NRG3: variants seen among roughly 807,000 people sequenced by gnomAD.
The protein encoded by NRG3 is neuregulin 3.
A neutral mutation model predicts 66.9 loss-of-function variants in NRG3; 31 were observed. That is an observed-to-expected ratio of 0.46 (90% confidence interval 0.35 to 0.63). NRG3 has a LOEUF of 0.63. Among genes scored for constraint, NRG3 ranks in the 20% least tolerant of loss-of-function variants. The pLI is 0.00. For synonymous variants in NRG3, 393 were observed against 359.4 expected (o/e 1.09, Z -1.06); for missense variants, 910 against 878.9 (o/e 1.04, Z -0.45).
At chr10:82,600,986 T>C (rs1379313679) in intron 2 of NRG3, among the ~76,000 whole-genome samples, 3 of 152,118 alleles carry the variant, frequency 2.0e-5, no homozygotes, top group Admixed American at 1.3e-4. Context: ...GTTGTTCCCA[T>C]CTTTATGTCC....
intron 1 of NRG3, among the ~76,000 whole-genome samples, chr10:82,124,764 A>G (rs1177559480): frequency 6.6e-6 from 1 of 151,972 alleles, no homozygotes; most frequent in Non-Finnish European, 1.5e-5. Context: ...TTTGGATGCC[A>G]AATATATGTT....
In NRG3 at chr10:82,276,501, C is replaced by A. The variant is rs549211609; in HGVS notation, c.824-82238C>A. On this transcript the variant is annotated intron_variant, in intron 1 of 8. Coordinates refer to ENST00000372141, the MANE Select transcript of NRG3 (RefSeq NM_001010848.4). ...TCCAGGAAGATGTAAAGGAACTCAA[C>A]AGACCAGGTTAACCTGATTCTTCTT... Among the ~76,000 whole-genome samples, 59 of 152,138 alleles carry A rather than the reference C, an allele frequency of 3.9e-4. 1 individual carries two copies. In the South Asian group the frequency reaches 0.012, roughly 30 times the overall value.
chr10:82,671,494 T>C (rs777595062), intron 2 of NRG3, among the ~76,000 whole-genome samples: 12 of 152,184 alleles, frequency 7.9e-5, no homozygotes, highest in Non-Finnish European at 1.5e-4. Context: ...TCTGAAGATA[T>C]ATGGAGCAGT....
intron 7 of NRG3, among the ~76,000 whole-genome samples, chr10:82,975,108 T>C (rs1852129526): frequency 1.3e-5 from 2 of 152,250 alleles, no homozygotes; most frequent in South Asian, 4.1e-4. Context: ...TTTTGATTTA[T>C]ATCAATGTTG....
rs565218748 is a variant in NRG3, at chr10:82,828,843, C to A, written c.1028-36568C>A. ...AACATAACCAGCTTCTTCCGCCTTC[C>A]CTTAGATGATAGTCCTGAAGCTGCT... On this transcript the variant is annotated intron_variant, in intron 3 of 8. Transcript: ENST00000372141. 6.0e-3 allele frequency among the ~76,000 whole-genome samples: 919 copies of A among 152,204 alleles called. 3 individuals carry two copies. The highest frequency in any genetic ancestry group is 0.01 in the Non-Finnish European group (688 of 68,006).
intron 1 of NRG3, among the ~76,000 whole-genome samples, chr10:82,163,195 A>G (rs1250616058): frequency 6.6e-6 from 1 of 152,144 alleles, no homozygotes; most frequent in African/African-American, 2.4e-5. Flanking sequence ...CTCTTCTAAT[A>G]TAAGAAATTT....
intron 4 of NRG3, among the ~76,000 whole-genome samples, chr10:82,950,960 T>C (rs1327182881): frequency 6.6e-6 from 1 of 152,152 alleles, no homozygotes; most frequent in Non-Finnish European, 1.5e-5. Context: ...CTTACGTGCC[T>C]ATTGATTTTT....
In NRG3 at chr10:81,956,507, A is replaced by G. The variant is rs181883308; in HGVS notation, c.823+80344A>G. On this transcript the variant is annotated intron_variant, in intron 1 of 8. Transcript: ENST00000372141. ...GCAGCTTTAGTGACTAAAACATTGC[A>G]AGATAATGCATTAGCCATCCTGATT... 2.2e-3 allele frequency among the ~76,000 whole-genome samples: 328 copies of G among 152,304 alleles called. 1 individual carries two copies. Among genetic ancestry groups the G allele is most frequent in the Middle Eastern group, 0.01 (3 of 294 alleles).
intron 2 of NRG3, among the ~76,000 whole-genome samples, chr10:82,503,610 A>G (rs569214930): frequency 6.6e-6 from 1 of 152,300 alleles, no homozygotes; most frequent in Admixed American, 6.5e-5. Flanking sequence ...CCCTCAATCT[A>G]TTTAGAAAGG....
intron 4 of NRG3, among the ~76,000 whole-genome samples, chr10:82,935,639 C>G (rs921736751): frequency 1.3e-5 from 2 of 151,458 alleles, no homozygotes; most frequent in Non-Finnish European, 2.9e-5. Context: ...TTTTTTTAAA[C>G]GGAGTCTCGC....
chr10:82,303,336 A>ACACACAC (rs2080517413), intron 1 of NRG3, among the ~76,000 whole-genome samples: 1 of 149,236 alleles, frequency 6.7e-6, no homozygotes, highest in Non-Finnish European at 1.5e-5. Flanking sequence ...TGCGTGTATA[A>ACACACAC]ACACACACAC....
chr10:82,865,756 C>T (rs1169921507), intron 4 of NRG3, among the ~76,000 whole-genome samples: 1 of 152,092 alleles, frequency 6.6e-6, no homozygotes, highest in Non-Finnish European at 1.5e-5. Flanking sequence ...GTTCTATTTT[C>T]CTGCACATGT....
At chr10:82,715,854 G>A (rs1003273817) in intron 2 of NRG3, among the ~76,000 whole-genome samples, 1 of 152,060 alleles carries the variant, frequency 6.6e-6, no homozygotes, top group African/African-American at 2.4e-5. Flanking sequence ...TGTACCTGTT[G>A]AGGGGCCTCC....
rs532520489 is a variant in NRG3, at chr10:82,638,754, C to A, written c.954-99823C>A. Among the ~76,000 whole-genome samples the A allele has an allele frequency of 2.1e-4, 32 of 152,126 alleles. No homozygotes were observed. The East Asian group carries it at 6.2e-3, about 30-fold the overall frequency. ...TTCCACCTCGCAGGTTCAAGTGATT[C>A]TCCTGCCTTAGCCTCCCAAGTAGCT... is the stretch of plus-strand genomic sequence containing the variant. On this transcript the variant is annotated intron_variant, in intron 2 of 8. Coordinates refer to ENST00000372141, the MANE Select transcript of NRG3 (RefSeq NM_001010848.4).
intron 1 of NRG3, among the ~76,000 whole-genome samples, chr10:82,257,913 C>G (rs376179196): frequency 1.1e-4 from 16 of 152,274 alleles, no homozygotes; most frequent in African/African-American, 3.4e-4. Context: ...AATTCTACCC[C>G]TATTACCTGC....
chr10:81,908,682 G>C (rs1264761281), intron 1 of NRG3, among the ~76,000 whole-genome samples: 3 of 152,122 alleles, frequency 2.0e-5, no homozygotes, highest in African/African-American at 7.2e-5. Context: ...GGACACCTCA[G>C]TCTCGAAATA....
intron 5 of NRG3, chr10:82,955,097 C>A (rs536203262): frequency 6.6e-6 from 1 of 151,918 alleles, no homozygotes; most frequent in South Asian, 2.1e-4. Context: ...CTCTCTTGAT[C>A]ATTTATGTTC....
At chr10:82,205,439 A>G (rs950878382) in intron 1 of NRG3, among the ~76,000 whole-genome samples, 17 of 152,198 alleles carry the variant, frequency 1.1e-4, no homozygotes, top group African/African-American at 4.1e-4. Context: ...ACTCCAGATT[A>G]CGTCCACGAA....
intron 1 of NRG3, among the ~76,000 whole-genome samples, chr10:82,328,627 ACCATAGTCAG>A: frequency 1.3e-5 from 2 of 152,126 alleles, no homozygotes; most frequent in Non-Finnish European, 2.9e-5. Context: ...TGTTAACCTC[ACCATAGTCAG>A]GGTTTGGGGA....
Sources: gnomAD v4.1 joint callset for allele counts (sites outside exome capture counted in the v4.1 genomes callset) on GRCh38, gnomAD v4.1.1 for gene constraint, MANE v1.5 for transcripts, NCBI Gene and HGNC (gene_info 2026-07-23, HGNC 2026-07-21) for gene names.